The following SAMD4A variants were observed in gnomAD, a reference collection of about 807,000 sequenced individuals.
The protein encoded by SAMD4A is sterile alpha motif domain containing 4A.
Under a neutral mutation model 81.3 loss-of-function variants are expected in SAMD4A, and 33 were observed. That is an observed-to-expected ratio of 0.41 (90% CI 0.31 to 0.54). The LOEUF (loss-of-function observed/expected upper bound fraction) is 0.54, where lower values mean the gene tolerates loss of function less well. SAMD4A is among the 20% of genes least tolerant of loss of function. The probability of loss-of-function intolerance (pLI) is 0.37; values close to 1 mark genes in which losing one functional copy is unlikely to be tolerated. For missense variants in SAMD4A, 854 were observed against 951.1 expected (o/e 0.90, Z 1.34); for synonymous variants, 389 against 382.1 (o/e 1.02, Z -0.21).
intron 2 of SAMD4A, among the ~76,000 whole-genome samples, chr14:54,602,374 AC>A (rs1566541686): frequency 7.0e-6 from 1 of 143,492 alleles, no homozygotes; most frequent in South Asian, 2.3e-4. Context: ...ACACACACAC[AC>A]GAAACACCAG....
intron 7 of SAMD4A, among the ~76,000 whole-genome samples, chr14:54,762,462 C>T (rs2038424728): frequency 6.6e-6 from 1 of 152,220 alleles, no homozygotes; most frequent in Non-Finnish European, 1.5e-5. Flanking sequence ...AGATGACTCA[C>T]AGCTTCCCTT....
chr14:54,670,232 G>A (rs193040472), intron 2 of SAMD4A, among the ~76,000 whole-genome samples: 4 of 152,130 alleles, frequency 2.6e-5, no homozygotes, highest in Admixed American at 2.0e-4. Flanking sequence ...TTTTGTGATC[G>A]CCGTCCAGTC....
intron 2 of SAMD4A, among the ~76,000 whole-genome samples, chr14:54,606,047 A>G (rs1223644977): frequency 6.6e-6 from 1 of 152,152 alleles, no homozygotes; most frequent in African/African-American, 2.4e-5. Context: ...TTTTACCTTC[A>G]GGTTGTTCTA....
At chr14:54,714,305 C>G (rs962113562) in intron 3 of SAMD4A, among the ~76,000 whole-genome samples, 2 of 152,116 alleles carry the variant, frequency 1.3e-5, no homozygotes, top group Admixed American at 6.6e-5. Flanking sequence ...TACAATTTAG[C>G]TTATAGTTTT....
chr14:54,729,673 C>T lies in SAMD4A; in HGVS notation c.716-7351C>T, dbSNP rs182526772. 1.8e-4 allele frequency among the ~76,000 whole-genome samples: 27 copies of T among 152,218 alleles called. No individual in the cohort carries two copies. In the East Asian group the frequency reaches 4.4e-3, roughly 25 times the overall value. ...AACAGTACAGGAAAGTAGAAGTTAA[C>T]CCAGTATGAAGGAGACTTCAAAATA... On this transcript the variant is annotated intron_variant, in intron 3 of 12. Transcript: ENST00000554335.
At chr14:54,612,719 A>G (rs2034390837) in intron 2 of SAMD4A, among the ~76,000 whole-genome samples, 1 of 152,188 alleles carries the variant, frequency 6.6e-6, no homozygotes. Context: ...ACCCTCATCC[A>G]TCTGCGTGCT....
chr14:54,613,596 C>G (rs1377443655), intron 2 of SAMD4A, among the ~76,000 whole-genome samples: 1 of 152,198 alleles, frequency 6.6e-6, no homozygotes, highest in Non-Finnish European at 1.5e-5. Context: ...CTTATAGTGT[C>G]TGTCTTCCAG....
At chr14:54,630,908 A>ATATATGTGTG (rs1051037883) in intron 2 of SAMD4A, among the ~76,000 whole-genome samples, 2 of 144,292 alleles carry the variant, frequency 1.4e-5, no homozygotes, top group African/African-American at 5.2e-5. Flanking sequence ...TGTATTTTAT[A>ATATATGTGTG]TGTGTGTGTG....
chr14:54,594,272 CTT>C (rs2033856759), intron 2 of SAMD4A, among the ~76,000 whole-genome samples: 1 of 152,018 alleles, frequency 6.6e-6, no homozygotes, highest in Admixed American at 6.6e-5. Flanking sequence ...AAATGCCACT[CTT>C]TGGCTGAGTG....
chr14:54,638,217 G>A (rs1036577624), intron 2 of SAMD4A, among the ~76,000 whole-genome samples: 1 of 152,206 alleles, frequency 6.6e-6, no homozygotes, highest in Non-Finnish European at 1.5e-5. Context: ...GGGCAACTGT[G>A]TGTCTGCATG....
intron 6 of SAMD4A, among the ~76,000 whole-genome samples, chr14:54,759,108 G>T (rs1364394769): frequency 6.6e-6 from 1 of 152,166 alleles, no homozygotes; most frequent in Non-Finnish European, 1.5e-5. Flanking sequence ...CAAACTATAT[G>T]TGCAGAATGA....
At chr14:54,694,595 A>G (rs2036532413) in intron 2 of SAMD4A, 13 of 985,284 alleles carry the variant, frequency 1.3e-5, no homozygotes, top group South Asian at 4.7e-5. Context: ...TGGGCTGGAA[A>G]TACAAACGTG....
chr14:54,724,016 G>GGAAGGAAGGAAGGAAGGAA (rs2037341719), intron 3 of SAMD4A, among the ~76,000 whole-genome samples: 4 of 145,766 alleles, frequency 2.7e-5, no homozygotes, highest in South Asian at 4.4e-4. Context: ...ATGGAAGGAA[G>GGAAGGAAGGAAGGAAGGAA]GAAGGAAGGA....
At chr14:54,581,459 G>A (rs984812673) in intron 2 of SAMD4A, among the ~76,000 whole-genome samples, 3 of 152,246 alleles carry the variant, frequency 2.0e-5, no homozygotes, top group Non-Finnish European at 2.9e-5. Flanking sequence ...GGGACTTTAA[G>A]CCTTGTGGCC....
At chr14:54,627,101 T>A (rs895560691) in intron 2 of SAMD4A, among the ~76,000 whole-genome samples, 6 of 152,220 alleles carry the variant, frequency 3.9e-5, no homozygotes, top group Non-Finnish European at 7.3e-5. Context: ...TACATAACTA[T>A]AACTCAACTA....
intron 2 of SAMD4A, among the ~76,000 whole-genome samples, chr14:54,653,760 G>A (rs980452172): frequency 1.3e-5 from 2 of 152,158 alleles, no homozygotes; most frequent in Non-Finnish European, 2.9e-5. Flanking sequence ...TTTTGTAGGC[G>A]AGGAAGCAGA....
Position 54,775,147 on chromosome 14 carries a change from C to G in SAMD4A, c.1917+12C>G, listed in dbSNP as rs921923411. ...AACAAGGAAGACAGGTTTGTTCTGC[C>G]CCAAGGAAGGAGGAGGATGGCCAAG... On this transcript the variant is annotated intron_variant, in intron 10 of 12. Coordinates refer to ENST00000554335, the MANE Select transcript of SAMD4A (RefSeq NM_015589.6). 3.7e-6 allele frequency: 6 copies of G among 1,614,002 alleles called. No homozygotes were observed. In the African/African-American group the frequency reaches 8.0e-5, roughly 22 times the overall value.
intron 2 of SAMD4A, among the ~76,000 whole-genome samples, chr14:54,580,008 A>G (rs2033418804): frequency 6.6e-6 from 1 of 152,228 alleles, no homozygotes. Flanking sequence ...CAGTTGGTAT[A>G]AGAGTGAGTT....
intron 5 of SAMD4A, among the ~76,000 whole-genome samples, chr14:54,750,425 C>T (rs553956477): frequency 3.2e-4 from 49 of 152,234 alleles, no homozygotes; most frequent in African/African-American, 9.6e-4. Flanking sequence ...ATTTGAGAGA[C>T]GGCTGTCTAT....
Sources: allele counts gnomAD v4.1 joint callset (sites outside exome capture counted in the v4.1 genomes callset), GRCh38; gene constraint gnomAD v4.1.1; transcripts MANE v1.5; gene names NCBI Gene and HGNC (gene_info 2026-07-23, HGNC 2026-07-21).